The following SALL2 variants were observed in gnomAD, a reference collection of about 807,000 sequenced individuals.
SALL2 encodes the protein sal-like protein 2.
In SALL2, 32 loss-of-function variants were observed where a neutral mutation model predicts 58.5. The observed-to-expected ratio is 0.55, with a 90% confidence interval of 0.41 to 0.74. The LOEUF (loss-of-function observed/expected upper bound fraction) is 0.74. Among genes scored for constraint, SALL2 ranks in the 30% least tolerant of loss-of-function variants. The pLI, the probability that SALL2 is intolerant of heterozygous loss-of-function variation, is 0.00. For missense variants in SALL2, 1,201 were observed against 1,268.9 expected (o/e 0.95, Z 0.81); for synonymous variants, 516 against 513.6 (o/e 1.00, Z -0.06).
rs768413774 is a variant in SALL2, at chr14:21,522,268, C to T, written c.*436G>A. 1.0e-5 allele frequency: 16 copies of T among 1,563,406 alleles called. No individual in the cohort carries two copies. Among genetic ancestry groups the T allele is most frequent in the Non-Finnish European group, 8.6e-7 (1 of 1,160,246 alleles). The stretch of plus-strand genomic sequence containing the variant: ...TTCTAGAAAGATAGGGGACCCATAC[C>T]CACCAGCTGAGCAGAAAGGTCACCC... On this transcript the variant is annotated 3_prime_UTR_variant, in exon 2 of 2. Transcript: ENST00000537235.
rs1003834365 is a variant in SALL2 at position 21,521,710 on chromosome 14, C to T, written c.*994G>A. 2 of 319,846 alleles carry T rather than the reference C, an allele frequency of 6.3e-6. No homozygotes were observed. The highest frequency in any genetic ancestry group is 1.2e-5 in the Non-Finnish European group (2 of 170,410). 19.8% of individuals were successfully genotyped at this position (319,846 alleles called of 1,614,324 possible). A position where few individuals can be genotyped will look rare whatever the true frequency, so the allele number is the denominator to read the frequency against. On this transcript the variant is annotated 3_prime_UTR_variant, in exon 2 of 2. Coordinates refer to ENST00000537235, the MANE Select transcript of SALL2 (RefSeq NM_001364564.1). ...TCATCAACCATGCTGACCAAAAATG[C>T]TCCTTAAAGATACGAACTTCACATT...
chr14:21,526,300 G>A lies in SALL2; in HGVS notation c.-173C>T. ...CAGCGGCGGAGGGGGAGGGGAGCGA[G>A]GAGGCGGGGAGAAGCTGGAGTGAGA... On this transcript the variant is annotated 5_prime_UTR_variant, in exon 1 of 2. Transcript: ENST00000537235. The A allele has an allele frequency of 7.0e-7, 1 of 1,437,572 alleles. No individual in the cohort carries two copies. The allele number at this position is 1,437,572 out of a possible 1,614,324, so 89.1% of individuals were successfully genotyped here.
intron 1 of SALL2, among the ~76,000 whole-genome samples, chr14:21,532,435 A>G (rs1197803614): frequency 6.6e-6 from 1 of 152,146 alleles, no homozygotes; most frequent in African/African-American, 2.4e-5. Context: ...TGAATTGTAC[A>G]CTTAAAAATG....
At chr14:21,534,116 CATGATT>C (rs919916267) in intron 1 of SALL2, among the ~76,000 whole-genome samples, 1 of 152,074 alleles carries the variant, frequency 6.6e-6, no homozygotes, top group Non-Finnish European at 1.5e-5. Context: ...CTGCCCCATT[CATGATT>C]AAGAAAATTT....
intron 1 of SALL2, among the ~76,000 whole-genome samples, chr14:21,532,975 A>G (rs551868566): frequency 2.6e-5 from 4 of 151,640 alleles, no homozygotes; most frequent in Admixed American, 6.6e-5. Flanking sequence ...AATAATAAAA[A>G]TAAATAAATA....
intron 1 of SALL2, among the ~76,000 whole-genome samples, chr14:21,534,748 T>C (rs1892549293): frequency 6.6e-6 from 1 of 151,872 alleles, no homozygotes; most frequent in Non-Finnish European, 1.5e-5. Context: ...GGAAGTCTCC[T>C]GTAGAGCACA....
chr14:21,536,593 A>G (rs1346041367), intron 1 of SALL2, among the ~76,000 whole-genome samples: 1 of 152,246 alleles, frequency 6.6e-6, no homozygotes, highest in Admixed American at 6.5e-5. Context: ...GGGTGGGGAG[A>G]CAGAGCCAGT....
rs553695940 is a variant in SALL2, at chr14:21,525,240, G to C, written c.482C>G (p.Pro161Arg). ...CCCTGGGGGCGGAGGGGGTGGTGGA[G>C]GAGGAGGGGGTGCAGGGGTCGATTC... ...PPESTPAPPP[P>R]PPPPPPPGVG... is the part of the protein sequence containing the mutation. The change falls in exon 2 of 2, where the codon CCT (proline) becomes CGT (arginine). Residue 161 changes from proline (P) to arginine (R), a missense_variant. Physicochemically the swap from Pro to Arg is moderately radical, Grantham distance 103 (BLOSUM62 -2). This residue lies in a region of SALL2 where 467 missense variants were observed against 468.9 expected (regional missense o/e 1.00). Coordinates refer to ENST00000537235, the MANE Select transcript of SALL2 (RefSeq NM_001364564.1). This position sits in a 1 kb window ranked among gnomAD's most constrained non-coding sequence, Gnocchi z 4.4. 22 of 1,612,632 alleles carry C rather than the reference G, an allele frequency of 1.4e-5. No homozygotes were observed. In the East Asian group the frequency reaches 4.0e-4, roughly 29 times the overall value.
rs770857612 is a variant in SALL2 at position 21,522,974 on chromosome 14, C to G, written c.2748G>C (p.Gln916His). 2.5e-6 allele frequency: 4 copies of G among 1,614,120 alleles called. No homozygotes were observed. The Admixed American group carries it at 6.7e-5, about 27-fold the overall frequency. Residue 916 changes from glutamine (Q) to histidine (H), a missense_variant, in exon 2 of 2, where the codon CAG becomes CAC. Around this residue, in one of 3 missense-constraint regions of SALL2, gnomAD observed 675 missense variants for 683.8 expected, o/e 0.99. Transcript: ENST00000537235. ...CCAGAGCTGCCTGGGAGGGAAAGGC[C>G]TGGCCACACACTTCGCAGGCCTTTC... is the stretch of plus-strand genomic sequence containing the variant. ...SSRKACEVCG[Q>H]AFPSQAALEE...
chr14:21,526,542 T>C, upstream of SALL2: 2 of 1,098,900 alleles, frequency 1.8e-6, no homozygotes, highest in East Asian at 7.3e-5. Flanking sequence ...CCTGGCCAGC[T>C]CCCCCCATCT....
Position 21,521,841 on chromosome 14 carries a change from G to T in SALL2, c.*863C>A. On this transcript the variant is annotated 3_prime_UTR_variant, in exon 2 of 2. Coordinates refer to ENST00000537235, the MANE Select transcript of SALL2 (RefSeq NM_001364564.1). ...TGGAGAGGTCTTGGCACACTGACCA[G>T]CCAAAACCTTTACCTTAATGTGACC... is the stretch of plus-strand genomic sequence containing the variant. 1.3e-6 allele frequency: 1 copy of T among 771,088 alleles called. No homozygotes were observed. 47.8% of individuals were successfully genotyped at this position (771,088 alleles called of 1,614,324 possible).
In SALL2 at chr14:21,525,369, T is replaced by G. The variant is rs1044809589; in HGVS notation, c.353A>C (p.Glu118Ala). 5 of 1,606,542 alleles carry G rather than the reference T, an allele frequency of 3.1e-6. No individual in the cohort carries two copies. Among genetic ancestry groups the G allele is most frequent in the Non-Finnish European group, 4.3e-6 (5 of 1,175,044 alleles). ...AGCGACCAGGAAATGCCCTGAAGAC[T>G]CCTCTCCTCTCCTCTCTGGGCCCCA... ...PTWGPERRGE[E>A]SSGHFLVAAT... is the part of the protein sequence containing the mutation. Residue 118 changes from glutamate to alanine, a missense_variant, in exon 2 of 2, where the codon GAG (glutamate) becomes GCG (alanine). This residue lies in a region of SALL2 where 467 missense variants were observed against 468.9 expected (regional missense o/e 1.00). Coordinates refer to ENST00000537235, the MANE Select transcript of SALL2 (RefSeq NM_001364564.1). This position sits in a 1 kb window ranked among gnomAD's most constrained non-coding sequence, Gnocchi z 4.4.
Position 21,524,443 on chromosome 14 carries a change from G to C in SALL2, c.1279C>G (p.His427Asp), listed in dbSNP as rs961316845. The C allele has an allele frequency of 6.2e-7, 1 of 1,614,262 alleles. No individual in the cohort carries two copies. Among genetic ancestry groups the C allele is most frequent in the Non-Finnish European group, 8.5e-7 (1 of 1,180,050 alleles). ...HFHRHREKYP[H>D]VQMNPHPVPE... is the part of the protein sequence containing the mutation. ...ACTGGGTGTGGGTTCATCTGCACAT[G>C]TGGGTACTTCTCACGATGCCGGTGG... Residue 427 changes from histidine to aspartate, a missense_variant, in exon 2 of 2, where the codon CAT becomes GAT. His to Asp is a moderately conservative substitution (Grantham distance 81). This residue lies in a region of SALL2 where 59 missense variants were observed against 116.2 expected (regional missense o/e 0.51). Coordinates refer to ENST00000537235, the MANE Select transcript of SALL2 (RefSeq NM_001364564.1).
At chr14:21,527,896 C>G (rs1892364914), upstream of SALL2, among the ~76,000 whole-genome samples, 1 of 151,550 alleles carries the variant, frequency 6.6e-6, no homozygotes, top group Admixed American at 6.6e-5. Flanking sequence ...CACTGTAATC[C>G]CAGCACTTTG....
At position 21,534,772 on chromosome 14, in the gene SALL2, C is replaced by T. The variant is rs573977712; in HGVS notation, c.-114+2190G>A. 1.1e-4 allele frequency among the ~76,000 whole-genome samples: 17 copies of T among 152,080 alleles called. No individual in the cohort carries two copies. In the South Asian group the frequency reaches 2.9e-3, roughly 26 times the overall value. ...CTGTAGAGCACAAGCAGGAAACATC[C>T]GGCCTATAGCAGCATTAAGAAGGGC... On this transcript the variant is annotated intron_variant, in intron 1 of 1. Coordinates refer to the SALL2 transcript ENST00000541965.
In SALL2 at chr14:21,523,972, G is replaced by C; in HGVS notation, c.1750C>G (p.Pro584Ala). 3 of 1,614,218 alleles carry C rather than the reference G, an allele frequency of 1.9e-6. No individual in the cohort carries two copies. Among genetic ancestry groups the C allele is most frequent in the Non-Finnish European group, 2.5e-6 (3 of 1,180,030 alleles). The stretch of plus-strand genomic sequence containing the variant: ...TGCTGCAGCTTTGATGTCTCAGAGG[G>C]TGAGGCCCCCAAGGGCTCTAGCACA... ...PYVLEPLGAS[P>A]SETSKLQQLV... The change falls in exon 2 of 2, where the codon CCC (proline) becomes GCC (alanine). Residue 584 changes from proline (P) to alanine (A), a missense_variant. Transcript: ENST00000537235. This position sits in a 1 kb window ranked among gnomAD's most constrained non-coding sequence, Gnocchi z 4.4.
At chr14:21,536,483 GA>G (rs1166698871) in intron 1 of SALL2, among the ~76,000 whole-genome samples, 1 of 152,162 alleles carries the variant, frequency 6.6e-6, no homozygotes, top group East Asian at 1.9e-4. Context: ...GAAAAGGGGG[GA>G]AAATCCCACC....
At chr14:21,530,644 C>T (rs932074398), upstream of SALL2, among the ~76,000 whole-genome samples, 3 of 152,146 alleles carry the variant, frequency 2.0e-5, no homozygotes, top group African/African-American at 7.2e-5. Flanking sequence ...AAGCATCATC[C>T]ACCCATTAAG....
At position 21,521,723 on chromosome 14, in the gene SALL2, C is replaced by G. The variant is rs369198460; in HGVS notation, c.*981G>C. 1.6e-5 allele frequency: 6 copies of G among 365,854 alleles called. No individual in the cohort carries two copies. The East Asian group carries it at 2.0e-4, about 12-fold the overall frequency. The allele number at this position is 365,854 out of a possible 1,614,324, so 22.7% of individuals were successfully genotyped here. On this transcript the variant is annotated 3_prime_UTR_variant, in exon 2 of 2. Coordinates refer to ENST00000537235, the MANE Select transcript of SALL2 (RefSeq NM_001364564.1). ...TGACCAAAAATGCTCCTTAAAGATA[C>G]GAACTTCACATTTCCCAAATATCTC... is the stretch of plus-strand genomic sequence containing the variant.
Sources: allele counts gnomAD v4.1 joint callset (sites outside exome capture counted in the v4.1 genomes callset), GRCh38; gene constraint gnomAD v4.1.1; regional missense constraint gnomAD v4.1.1; non-coding constraint Gnocchi (gnomAD v3.1); transcripts MANE v1.5; gene names NCBI Gene and HGNC (gene_info 2026-07-23, HGNC 2026-07-21).